TMEM131L: variants seen among roughly 807,000 people sequenced by gnomAD.
TMEM131L encodes transmembrane protein 131-like.
Under a neutral mutation model 192.2 loss-of-function variants are expected in TMEM131L, and 54 were observed. The ratio of observed to expected loss-of-function variants is 0.28; its 90% CI spans 0.23 to 0.35. The LOEUF (loss-of-function observed/expected upper bound fraction) is 0.35, where lower values mean the gene tolerates loss of function less well. Ranked by LOEUF, TMEM131L falls within the 10% of genes least tolerant of loss-of-function variation. The probability of loss-of-function intolerance (pLI) is 1.00; values close to 1 mark genes in which losing one functional copy is unlikely to be tolerated. For synonymous variants in TMEM131L, 701 were observed against 704.9 expected (o/e 0.99, Z 0.09); for missense variants, 1,888 against 1,972.9 (o/e 0.96, Z 0.82).
At chr4:153,578,721 C>G (rs893796548) in intron 7 of TMEM131L, among the ~76,000 whole-genome samples, 1 of 152,044 alleles carries the variant, frequency 6.6e-6, no homozygotes, top group African/African-American at 2.4e-5. Flanking sequence ...GGGGTTTCAC[C>G]ATGTTATCCA....
At position 153,515,534 on chromosome 4, in the gene TMEM131L, A is replaced by C. The variant is rs548146406; in HGVS notation, c.240-34539A>C. ...TTGGCTATTATGAATAATGCTGTGAACATTTGTGTGCAAGTGTTTGTGTGG... is the reference window on the plus strand; with the variant it reads ...TTGGCTATTATGAATAATGCTGTGACCATTTGTGTGCAAGTGTTTGTGTGG... On this transcript the variant is annotated intron_variant, in intron 3 of 34. Coordinates refer to ENST00000409959, the MANE Select transcript of TMEM131L (RefSeq NM_001131007.2). 1.6e-4 allele frequency among the ~76,000 whole-genome samples: 24 copies of C among 152,318 alleles called. No individual in the cohort carries two copies. In the South Asian group the frequency reaches 4.6e-3, roughly 29 times the overall value.
At chr4:153,595,136 T>C (rs1411217724) in intron 19 of TMEM131L, among the ~76,000 whole-genome samples, 1 of 152,202 alleles carries the variant, frequency 6.6e-6, no homozygotes, top group Non-Finnish European at 1.5e-5. Flanking sequence ...ATAGTTAATA[T>C]CAGTGCCTTG....
intron 7 of TMEM131L, among the ~76,000 whole-genome samples, chr4:153,579,966 T>G (rs900447637): frequency 5.3e-5 from 8 of 152,352 alleles, no homozygotes; most frequent in African/African-American, 1.9e-4. Context: ...CTTTGGAGAA[T>G]GCCTTCTTAC....
intron 17 of TMEM131L, among the ~76,000 whole-genome samples, chr4:153,591,835 A>AGT (rs1731089778): frequency 6.6e-6 from 1 of 152,144 alleles, no homozygotes; most frequent in South Asian, 2.1e-4. Flanking sequence ...AAGTTTCAAG[A>AGT]GTAGTATATC....
intron 31 of TMEM131L, among the ~76,000 whole-genome samples, chr4:153,630,208 A>G (rs1213868208): frequency 6.6e-6 from 1 of 152,200 alleles, no homozygotes; most frequent in Non-Finnish European, 1.5e-5. Flanking sequence ...ACATCATTCC[A>G]TAAGCAATTC....
At chr4:153,545,402 C>T (rs1458599085) in intron 3 of TMEM131L, among the ~76,000 whole-genome samples, 1 of 151,562 alleles carries the variant, frequency 6.6e-6, no homozygotes, top group Non-Finnish European at 1.5e-5. Flanking sequence ...ATTCTCCTGC[C>T]TCAGCCTCCT....
chr4:153,573,327 C>G (rs1729719818), intron 7 of TMEM131L, among the ~76,000 whole-genome samples: 1 of 152,252 alleles, frequency 6.6e-6, no homozygotes, highest in African/African-American at 2.4e-5. Flanking sequence ...CGACGGCAGC[C>G]TGCATCACAA....
At chr4:153,624,119 T>A (rs565347896) in intron 29 of TMEM131L, among the ~76,000 whole-genome samples, 27 of 146,522 alleles carry the variant, frequency 1.8e-4, no homozygotes, top group East Asian at 1.0e-3. Flanking sequence ...TTTTTTTTTT[T>A]AATTATTTAT....
At chr4:153,501,702 A>G (rs935634797) in intron 3 of TMEM131L, among the ~76,000 whole-genome samples, 3 of 152,164 alleles carry the variant, frequency 2.0e-5, no homozygotes, top group African/African-American at 7.2e-5. Flanking sequence ...CAGAAAACCC[A>G]GTAACATAAA....
chr4:153,602,861 T>A (rs996321675), intron 23 of TMEM131L, 134 bp downstream of exon 23: 1 of 780,636 alleles, frequency 1.3e-6, no homozygotes, highest in African/African-American at 1.7e-5. Flanking sequence ...TCAAGAACTG[T>A]GACATCCATG....
At chr4:153,485,441 C>T (rs2149828401) in intron 3 of TMEM131L, among the ~76,000 whole-genome samples, 1 of 152,270 alleles carries the variant, frequency 6.6e-6, no homozygotes, top group Non-Finnish European at 1.5e-5. Context: ...TGTGAAGTGC[C>T]CAGATACCCA....
intron 7 of TMEM131L, among the ~76,000 whole-genome samples, chr4:153,562,749 A>G (rs1210951561): frequency 6.6e-6 from 1 of 152,236 alleles, no homozygotes; most frequent in Non-Finnish European, 1.5e-5. Flanking sequence ...AGACAGAAAT[A>G]TGTCATCAGC....
At chr4:153,593,250 C>A (rs887627130) in intron 18 of TMEM131L, among the ~76,000 whole-genome samples, 1 of 152,092 alleles carries the variant, frequency 6.6e-6, no homozygotes, top group African/African-American at 2.4e-5. Context: ...GACCCTTATC[C>A]CAGGGTTTCT....
intron 8 of TMEM131L, among the ~76,000 whole-genome samples, chr4:153,581,137 C>A (rs916586472): frequency 1.4e-4 from 22 of 152,176 alleles, no homozygotes; most frequent in Non-Finnish European, 2.8e-4. Context: ...GCCCGTAGTC[C>A]CAGCTACTTG....
intron 17 of TMEM131L, 64 bp downstream of exon 17, chr4:153,591,258 A>C: frequency 6.9e-7 from 1 of 1,439,106 alleles, no homozygotes; most frequent in Non-Finnish European, 9.2e-7. Context: ...TTTTCAAAGT[A>C]CCAGATTGTG....
chr4:153,615,046 A>G (rs1462001838), intron 26 of TMEM131L, among the ~76,000 whole-genome samples: 1 of 152,196 alleles, frequency 6.6e-6, no homozygotes, highest in Non-Finnish European at 1.5e-5. Context: ...TTATCACGTT[A>G]AGAGCATGCA....
intron 7 of TMEM131L, among the ~76,000 whole-genome samples, chr4:153,574,880 G>T (rs374780979): frequency 6.6e-6 from 1 of 152,162 alleles, no homozygotes; most frequent in African/African-American, 2.4e-5. Flanking sequence ...GAGCCACTGC[G>T]CCCGGCCGAG....
At chr4:153,539,522 G>T (rs1736608696) in intron 3 of TMEM131L, among the ~76,000 whole-genome samples, 1 of 136,618 alleles carries the variant, frequency 7.3e-6, no homozygotes, top group Non-Finnish European at 1.5e-5. Context: ...TTTTTTTGAG[G>T]AGAGAAGACT....
At chr4:153,614,052 T>C (rs1236204108) in intron 26 of TMEM131L, among the ~76,000 whole-genome samples, 1 of 152,048 alleles carries the variant, frequency 6.6e-6, no homozygotes, top group Non-Finnish European at 1.5e-5. Context: ...CGTGGAAAGC[T>C]CCCAGAGGAG....
Sources: allele counts gnomAD v4.1 joint callset (sites outside exome capture counted in the v4.1 genomes callset), GRCh38; gene constraint gnomAD v4.1.1; transcripts MANE v1.5; gene names NCBI Gene and HGNC (gene_info 2026-07-23, HGNC 2026-07-21).